Variants in MICU1 observed in about 807,000 individuals in gnomAD.
MICU1 encodes the protein calcium uptake protein 1, mitochondrial.
In MICU1, 45 loss-of-function variants were observed where a neutral mutation model predicts 56.8. The ratio of observed to expected loss-of-function variants is 0.79; its 90% CI spans 0.62 to 1.02. The LOEUF is 1.02. Among genes scored for constraint, MICU1 ranks in the 50% least tolerant of loss-of-function variants. MICU1 has a pLI of 0.00. For synonymous variants in MICU1, 186 were observed against 195.1 expected, an observed-to-expected ratio of 0.95 and a Z score of 0.39; for missense variants, 504 against 587.1, an observed-to-expected ratio of 0.86 and a Z score of 1.46.
chr10:72,490,845 T>C (rs1256296608), intron 6 of MICU1, among the ~76,000 whole-genome samples: 2 of 152,204 alleles, frequency 1.3e-5, no homozygotes, highest in Admixed American at 6.5e-5. Context: ...AAGAACTGCC[T>C]AGGAGGCAGC....
chr10:72,464,295 CAAAAA>C (rs58499998), intron 8 of MICU1, among the ~76,000 whole-genome samples: 16 of 100,014 alleles, frequency 1.6e-4, no homozygotes, highest in African/African-American at 6.7e-4. Flanking sequence ...GATTCTGTCT[CAAAAA>C]AAAAAAAAAA....
At position 72,459,341 on chromosome 10, in the gene MICU1, A is replaced by C. The variant is rs570668334; in HGVS notation, c.933+15759T>G. Among the ~76,000 whole-genome samples the C allele has an allele frequency of 1.2e-4, 18 of 152,298 alleles. 1 individual carries two copies. In the South Asian group the frequency reaches 2.5e-3, roughly 21 times the overall value. On this transcript the variant is annotated intron_variant, in intron 8 of 11. Coordinates refer to ENST00000361114, the MANE Select transcript of MICU1 (RefSeq NM_001195518.2). ...GCGAGACTCCATCTCAAAAACAAAA[A>C]CAAAACCAAAAAACCAAAAAACCAA...
At chr10:72,551,440 T>C (rs750021849) in intron 3 of MICU1, 99 bp from the exon 4 acceptor site, 48 of 850,540 alleles carry the variant, frequency 5.6e-5, no homozygotes, top group African/African-American at 8.8e-5. Context: ...ATATTTTCCA[T>C]CCTATTTTGG....
At chr10:72,548,334 T>C (rs1589329658) in intron 4 of MICU1, among the ~76,000 whole-genome samples, 2 of 152,222 alleles carry the variant, frequency 1.3e-5, no homozygotes, top group South Asian at 2.1e-4. Context: ...AAATGCAGTG[T>C]AGAGGTTGAT....
chr10:72,607,044 G>A (rs956173990), intron 1 of MICU1, among the ~76,000 whole-genome samples: 1 of 151,976 alleles, frequency 6.6e-6, no homozygotes, highest in Non-Finnish European at 1.5e-5. Context: ...ATCCTTTTAA[G>A]ATATGCAAGT....
At chr10:72,502,158 G>GTTTTTTTTTTTT (rs1256587038) in intron 6 of MICU1, among the ~76,000 whole-genome samples, 8 of 131,832 alleles carry the variant, frequency 6.1e-5, no homozygotes, top group Non-Finnish European at 1.1e-4. Flanking sequence ...TTTTTTTTTT[G>GTTTTTTTTTTTT]TTTTTTTTTT....
intron 5 of MICU1, among the ~76,000 whole-genome samples, chr10:72,532,019 CAAAA>C (rs1217878093): frequency 6.6e-6 from 1 of 150,478 alleles, no homozygotes; most frequent in African/African-American, 2.4e-5. Flanking sequence ...TCCAAATAAC[CAAAA>C]AAAGTTATTT....
At chr10:72,587,800 AAAACAAAT>A (rs1841105392) in intron 1 of MICU1, among the ~76,000 whole-genome samples, 1 of 151,948 alleles carries the variant, frequency 6.6e-6, no homozygotes, top group Non-Finnish European at 1.5e-5. Context: ...ATAAATAAAT[AAAACAAAT>A]AAATAAATAA....
chr10:72,553,290 C>T (rs1039484994), intron 3 of MICU1, among the ~76,000 whole-genome samples: 1 of 147,974 alleles, frequency 6.8e-6, no homozygotes, highest in African/African-American at 2.5e-5. Context: ...CTGGAGTGCA[C>T]TGGCACAATC....
chr10:72,401,524 C>T (rs866660935), intron 10 of MICU1, among the ~76,000 whole-genome samples: 3 of 152,008 alleles, frequency 2.0e-5, no homozygotes, highest in African/African-American at 4.8e-5. Flanking sequence ...TGTGGTGGCA[C>T]GCACCTATAG....
chr10:72,448,864 A>G (rs575934842), intron 8 of MICU1, among the ~76,000 whole-genome samples: 1 of 152,356 alleles, frequency 6.6e-6, no homozygotes, highest in South Asian at 2.1e-4. Context: ...GATTTCTTTT[A>G]CAGTGCTGTA....
chr10:72,542,566 G>A (rs748686904), intron 4 of MICU1, among the ~76,000 whole-genome samples: 15 of 152,200 alleles, frequency 9.9e-5, no homozygotes, highest in African/African-American at 2.2e-4. Flanking sequence ...AGCAAACGCC[G>A]TACGGGCCAC....
intron 9 of MICU1, among the ~76,000 whole-genome samples, chr10:72,412,937 C>G (rs1863870084): frequency 6.6e-6 from 1 of 151,646 alleles, no homozygotes; most frequent in South Asian, 2.1e-4. Context: ...TGGCTCATGC[C>G]TGTAATCCCA....
chr10:72,388,031 C>T (rs927620095), intron 10 of MICU1, among the ~76,000 whole-genome samples: 1 of 152,122 alleles, frequency 6.6e-6, no homozygotes, highest in East Asian at 1.9e-4. Context: ...GAAACTGAGG[C>T]TTTGAGAACT....
intron 4 of MICU1, among the ~76,000 whole-genome samples, chr10:72,550,493 T>C (rs1262513758): frequency 1.3e-5 from 2 of 152,188 alleles, no homozygotes; most frequent in Non-Finnish European, 2.9e-5. Flanking sequence ...ATTCTTGTTA[T>C]TTGTGGTTAT....
chr10:72,388,879 C>T (rs1040305989), intron 10 of MICU1, among the ~76,000 whole-genome samples: 7 of 152,210 alleles, frequency 4.6e-5, no homozygotes, highest in Admixed American at 3.9e-4. Context: ...ATTAGAGAGA[C>T]CTGAGCTTGA....
intron 6 of MICU1, among the ~76,000 whole-genome samples, chr10:72,499,727 C>A (rs1866962315): frequency 6.6e-6 from 1 of 152,120 alleles, no homozygotes; most frequent in Admixed American, 6.5e-5. Context: ...TGCTTTATAC[C>A]TGTTGATACA....
chr10:72,427,200 G>T (rs1042176175), intron 8 of MICU1, among the ~76,000 whole-genome samples: 3 of 152,184 alleles, frequency 2.0e-5, no homozygotes, highest in Non-Finnish European at 4.4e-5. Flanking sequence ...ACAAGCTGTT[G>T]TTTCCCTGTT....
At chr10:72,527,024 T>C (rs1213208361) in intron 5 of MICU1, among the ~76,000 whole-genome samples, 1 of 151,902 alleles carries the variant, frequency 6.6e-6, no homozygotes, top group Non-Finnish European at 1.5e-5. Context: ...AACAGTAAAA[T>C]TGATATTCTG....
Sources: allele counts gnomAD v4.1 joint callset (sites outside exome capture counted in the v4.1 genomes callset), GRCh38; gene constraint gnomAD v4.1.1; transcripts MANE v1.5; gene names NCBI Gene and HGNC (gene_info 2026-07-23, HGNC 2026-07-21).